Variants in MORC2 observed in about 807,000 individuals in gnomAD.
MORC2 encodes MORC family CW-type zinc finger 2.
Under a neutral mutation model 136.0 loss-of-function variants are expected in MORC2, and 30 were observed. The ratio of observed to expected loss-of-function variants is 0.22; its 90% CI spans 0.17 to 0.30. MORC2 has a LOEUF of 0.30. Among genes scored for constraint, MORC2 ranks in the 10% least tolerant of loss-of-function variants. MORC2 has a pLI of 1.00. For missense variants in MORC2, 922 were observed against 1,333.1 expected (o/e 0.69, Z 4.80); for synonymous variants, 439 against 487.0 (o/e 0.90, Z 1.30).
chr22:30,950,336 C>CGGGGGGGGGGGGGGGGGGGG, intron 4 of MORC2, 41 bp downstream of exon 4: 1 of 764,020 alleles, frequency 1.3e-6, no homozygotes, highest in Non-Finnish European at 2.4e-6. Context: ...ATGGTTACAT[C>CGGGGGGGGGGGGGGGGGGGG]GCACCCCCCC....
At chr22:30,961,641 A>G (rs1278877811) in intron 1 of MORC2, among the ~76,000 whole-genome samples, 2 of 152,258 alleles carry the variant, frequency 1.3e-5, no homozygotes, top group African/African-American at 4.8e-5. Context: ...CATAGTAAGT[A>G]TGAGACCACA....
Position 30,938,217 on chromosome 22 carries a change from A to C in MORC2, c.1074-12T>G. On this transcript the variant is annotated splice_polypyrimidine_tract_variant and intron_variant, in intron 12 of 25. Coordinates refer to ENST00000397641, the MANE Select transcript of MORC2 (RefSeq NM_001303256.3). ...GTTCTTTAAGTGCTCTAAGAAGACAAAAAAACTCAAGCAGATCTACACATC... is the reference window on the plus strand; with the variant it reads ...GTTCTTTAAGTGCTCTAAGAAGACACAAAAACTCAAGCAGATCTACACATC... The C allele has an allele frequency of 6.6e-7, 1 of 1,523,560 alleles. No homozygotes were observed. The highest frequency in any genetic ancestry group is 8.8e-7 in the Non-Finnish European group (1 of 1,130,528). 94.4% of individuals were successfully genotyped at this position (1,523,560 alleles called of 1,614,324 possible).
chr22:30,936,438 G>A, intron 17 of MORC2, 73 bp downstream of exon 17: 1 of 1,573,340 alleles, frequency 6.4e-7, no homozygotes, highest in Non-Finnish European at 8.6e-7. Flanking sequence ...GAACAGGAAA[G>A]CTACTGAAGG....
In MORC2 at chr22:30,968,005, G is replaced by A. The variant is rs1302445265; in HGVS notation, c.-116C>T. The stretch of plus-strand genomic sequence containing the variant: ...CTTCAGTAAGTCTGTGCTCCTTAAT[G>A]ACAGTTAAAGTAACCTAGTAGCTAT... On this transcript the variant is annotated 5_prime_UTR_variant, in exon 1 of 26. Transcript: ENST00000397641. 2.3e-6 allele frequency: 2 copies of A among 866,630 alleles called. No homozygotes were observed. The highest frequency in any genetic ancestry group is 3.7e-6 in the Non-Finnish European group (2 of 540,958). The allele number at this position is 866,630 out of a possible 1,614,324, so 53.7% of individuals were successfully genotyped here. A position where few individuals can be genotyped will look rare whatever the true frequency, so the allele number is the denominator to read the frequency against.
At chr22:30,946,960 A>G (rs1244296027) in intron 5 of MORC2, among the ~76,000 whole-genome samples, 1 of 152,062 alleles carries the variant, frequency 6.6e-6, no homozygotes, top group Admixed American at 6.5e-5. Context: ...ACTCCCCTCC[A>G]TTGACGAAAC....
At chr22:30,938,485 A>T (rs1161753244) in intron 12 of MORC2, among the ~76,000 whole-genome samples, 1 of 152,208 alleles carries the variant, frequency 6.6e-6, no homozygotes, top group East Asian at 1.9e-4. Flanking sequence ...AGCTGCTGCA[A>T]ATCTGTGCAA....
intron 1 of MORC2, among the ~76,000 whole-genome samples, chr22:30,961,444 T>A (rs767124388): frequency 9.9e-5 from 15 of 152,200 alleles, no homozygotes; most frequent in Non-Finnish European, 1.3e-4. Context: ...ATCAAACATA[T>A]AAGTGACTTA....
intron 3 of MORC2, among the ~76,000 whole-genome samples, chr22:30,952,636 A>C (rs1363241904): frequency 6.6e-6 from 1 of 152,244 alleles, no homozygotes; most frequent in African/African-American, 2.4e-5. Flanking sequence ...AGGGCCAAGA[A>C]AGACTAAGAC....
chr22:30,954,866 C>T (rs1033821070), intron 3 of MORC2, among the ~76,000 whole-genome samples: 4 of 151,622 alleles, frequency 2.6e-5, no homozygotes, highest in African/African-American at 4.8e-5. Flanking sequence ...ATTTTTCCAG[C>T]GGTAGCTGTT....
intron 20 of MORC2, 133 bp downstream of exon 20, chr22:30,933,927 G>C (rs538431232): frequency 1.5e-4 from 158 of 1,077,012 alleles, no homozygotes; most frequent in African/African-American, 1.1e-3. Context: ...CTGCTGGTGG[G>C]GGGGGTAGAC....
chr22:30,929,282 G>T (rs560823918), intron 24 of MORC2, among the ~76,000 whole-genome samples: 1 of 152,134 alleles, frequency 6.6e-6, no homozygotes, highest in South Asian at 2.1e-4. Flanking sequence ...TTATTTTGAG[G>T]TAACTGTAGA....
chr22:30,948,412 A>G (rs1316644291), intron 5 of MORC2, among the ~76,000 whole-genome samples: 1 of 152,224 alleles, frequency 6.6e-6, no homozygotes, highest in African/African-American at 2.4e-5. Context: ...TGTGAAAAAC[A>G]CATTCCTAGC....
chr22:30,930,682 A>G lies in MORC2; in HGVS notation c.2841+1677T>C, dbSNP rs184066500. Among the ~76,000 whole-genome samples the G allele has an allele frequency of 1.9e-3, 295 of 152,294 alleles. 1 individual carries two copies. The highest frequency in any genetic ancestry group is 2.3e-3 in the Non-Finnish European group (158 of 68,026). On this transcript the variant is annotated intron_variant, in intron 24 of 25. Coordinates refer to ENST00000397641, the MANE Select transcript of MORC2 (RefSeq NM_001303256.3). ...CACAACTGCCCCACGAGGACCCGACATCTTGAATATACTAATCCTGCAGTT... is the reference window on the plus strand; with the variant it reads ...CACAACTGCCCCACGAGGACCCGACGTCTTGAATATACTAATCCTGCAGTT...
At chr22:30,933,715 A>G (rs1303296640) in intron 20 of MORC2, among the ~76,000 whole-genome samples, 195 bp from the exon 21 acceptor site, 1 of 152,146 alleles carries the variant, frequency 6.6e-6, no homozygotes, top group African/African-American at 2.4e-5. Flanking sequence ...CTTTACGAAC[A>G]AGACAGCAGG....
At chr22:30,956,619 G>A (rs1204172333) in intron 3 of MORC2, 144 bp downstream of exon 3, 5 of 676,424 alleles carry the variant, frequency 7.4e-6, no homozygotes, top group Non-Finnish European at 1.3e-5. Flanking sequence ...GACTACGGCT[G>A]CCCCTTTTCT....
At chr22:30,953,840 CTTT>C (rs1294183558) in intron 3 of MORC2, among the ~76,000 whole-genome samples, 3 of 152,086 alleles carry the variant, frequency 2.0e-5, no homozygotes, top group Non-Finnish European at 4.4e-5. Context: ...AGGCTGGCTC[CTTT>C]TTTGCCCTTT....
At chr22:30,933,964 T>C in intron 20 of MORC2, 96 bp downstream of exon 20, 1 of 1,459,362 alleles carries the variant, frequency 6.9e-7, no homozygotes, top group Non-Finnish European at 9.4e-7. Flanking sequence ...AGACTGCTGG[T>C]GGATGGTATA....
chr22:30,950,347 A>ACCCC, intron 4 of MORC2, 30 bp downstream of exon 4: 5 of 397,206 alleles, frequency 1.3e-5, no homozygotes, highest in Non-Finnish European at 2.2e-5. Context: ...GCACCCCCCC[A>ACCCC]CCCCCCAAAA....
Position 30,968,150 on chromosome 22 carries a change from G to A in MORC2, c.-261C>T. ...CTATGTCATAAATCTGTAGCTTTAA[G>A]GAGCTTTTAGCATTAAGTTGCGATA... is the stretch of plus-strand genomic sequence containing the variant. On this transcript the variant is annotated 5_prime_UTR_variant, in exon 1 of 26. Coordinates refer to ENST00000397641, the MANE Select transcript of MORC2 (RefSeq NM_001303256.3). 2 of 424,766 alleles carry A rather than the reference G, an allele frequency of 4.7e-6. No individual in the cohort carries two copies. The highest frequency in any genetic ancestry group is 2.7e-5 in the South Asian group (1 of 37,396). 26.3% of individuals were successfully genotyped at this position (424,766 alleles called of 1,614,324 possible). A position where few individuals can be genotyped will look rare whatever the true frequency, so the allele number is the denominator to read the frequency against.
Sources: gnomAD v4.1 joint callset for allele counts (sites outside exome capture counted in the v4.1 genomes callset) on GRCh38, gnomAD v4.1.1 for gene constraint, MANE v1.5 for transcripts, NCBI Gene and HGNC (gene_info 2026-07-23, HGNC 2026-07-21) for gene names.